The following KCNJ3 variants were observed in gnomAD, a reference collection of about 807,000 sequenced individuals.
KCNJ3 encodes G protein-activated inward rectifier potassium channel 1.
KCNJ3 carries 4 observed loss-of-function variants against 39.2 expected under a neutral mutation model. That is an observed-to-expected ratio of 0.10 (90% CI 0.05 to 0.23). The LOEUF (loss-of-function observed/expected upper bound fraction) is 0.23, where lower values mean the gene tolerates loss of function less well. Among genes scored for constraint, KCNJ3 ranks in the 10% least tolerant of loss-of-function variants. The pLI is 1.00. For synonymous variants in KCNJ3, 230 were observed against 237.4 expected (o/e 0.97, Z 0.29); for missense variants, 276 against 634.9 (o/e 0.43, Z 6.08).
At chr2:154,816,760 T>C (rs1018496031) in intron 2 of KCNJ3, among the ~76,000 whole-genome samples, 1 of 152,150 alleles carries the variant, frequency 6.6e-6, no homozygotes, top group Admixed American at 6.6e-5. Context: ...GAAAAACTGA[T>C]TTTCCTGAGG....
At chr2:154,710,337 G>C (rs1217773124) in intron 2 of KCNJ3, among the ~76,000 whole-genome samples, 1 of 152,100 alleles carries the variant, frequency 6.6e-6, no homozygotes, top group African/African-American at 2.4e-5. Flanking sequence ...AAGTGGGTCA[G>C]CGGATTTCCC....
At chr2:154,753,018 C>G (rs1005021194) in intron 2 of KCNJ3, among the ~76,000 whole-genome samples, 2 of 152,158 alleles carry the variant, frequency 1.3e-5, no homozygotes, top group Admixed American at 6.5e-5. Flanking sequence ...TGTTCTAAGA[C>G]AGCAATCCTA....
intron 2 of KCNJ3, among the ~76,000 whole-genome samples, chr2:154,790,288 G>A (rs936878816): frequency 6.6e-5 from 10 of 152,052 alleles, no homozygotes; most frequent in Admixed American, 6.6e-4. Flanking sequence ...TATAACTTTA[G>A]TAATCCGACG....
At chr2:154,764,209 T>A (rs1038345576) in intron 2 of KCNJ3, among the ~76,000 whole-genome samples, 2 of 152,230 alleles carry the variant, frequency 1.3e-5, no homozygotes, top group African/African-American at 4.8e-5. Context: ...AAAGTGTTTA[T>A]TTAAAAGGAG....
At chr2:154,815,254 C>G (rs1687064100) in intron 2 of KCNJ3, among the ~76,000 whole-genome samples, 1 of 151,910 alleles carries the variant, frequency 6.6e-6, no homozygotes, top group African/African-American at 2.4e-5. Context: ...TCAACTTTAA[C>G]TAAATCCTAA....
Position 154,773,354 on chromosome 2 carries a change from T to C in KCNJ3, c.919+63535T>C, listed in dbSNP as rs146788979. Among the ~76,000 whole-genome samples, 141 of 152,278 alleles carry C rather than the reference T, an allele frequency of 9.3e-4. 1 individual carries two copies. In the South Asian group the frequency reaches 0.011, roughly 11 times the overall value. On this transcript the variant is annotated intron_variant, in intron 2 of 2. Transcript: ENST00000295101. ...GTGTGTGTGATGGTTAAGGATGATA[T>C]ATATTCTTGGAGCATGGGCTGTTTT...
chr2:154,793,303 C>G (rs1407593378), intron 2 of KCNJ3, among the ~76,000 whole-genome samples: 1 of 151,876 alleles, frequency 6.6e-6, no homozygotes. Flanking sequence ...GGAAAATATT[C>G]ACTGATGACA....
chr2:154,715,921 C>G (rs1315760857), intron 2 of KCNJ3, among the ~76,000 whole-genome samples: 1 of 152,092 alleles, frequency 6.6e-6, no homozygotes, highest in Non-Finnish European at 1.5e-5. Flanking sequence ...GCCCTAGTTT[C>G]AATTTACTTA....
At chr2:154,832,206 G>C (rs570710654) in intron 2 of KCNJ3, among the ~76,000 whole-genome samples, 1 of 152,130 alleles carries the variant, frequency 6.6e-6, no homozygotes, top group African/African-American at 2.4e-5. Context: ...ATTTCAGGAA[G>C]ATATTTGAAG....
intron 2 of KCNJ3, among the ~76,000 whole-genome samples, chr2:154,800,984 G>A (rs180683729): frequency 1.8e-4 from 27 of 152,210 alleles, no homozygotes; most frequent in Admixed American, 9.2e-4. Context: ...CCCATGTGAC[G>A]TCGGGGAGAC....
intron 2 of KCNJ3, among the ~76,000 whole-genome samples, chr2:154,754,806 A>G (rs1256923079): frequency 6.6e-6 from 1 of 152,226 alleles, no homozygotes; most frequent in African/African-American, 2.4e-5. Flanking sequence ...TTAAGAATGC[A>G]TAAGATTGAT....
rs143996968 is a variant in KCNJ3 at position 154,798,837 on chromosome 2, T to C, written c.920-55890T>C. On this transcript the variant is annotated intron_variant, in intron 2 of 2. Transcript: ENST00000295101. ...CACACTGTTTTCATCCAGTTATCCA[T>C]TGATAGAAAATTAACATTGTTTCCA... Among the ~76,000 whole-genome samples, 1,027 of 152,252 alleles carry C rather than the reference T, an allele frequency of 6.7e-3. 54 individuals carry two copies. Among genetic ancestry groups the C allele is most frequent in the Admixed American group, 0.063 (970 of 15,278 alleles).
At chr2:154,759,400 C>A (rs2961964) in intron 2 of KCNJ3, among the ~76,000 whole-genome samples, 75,656 of 150,718 alleles carry the variant, frequency 0.5, 19,161 homozygotes, top group African/African-American at 0.53. Flanking sequence ...GGACCTTCAT[C>A]GTGGTATTAA....
intron 2 of KCNJ3, among the ~76,000 whole-genome samples, chr2:154,734,404 A>C (rs1477083348): frequency 1.3e-5 from 2 of 152,190 alleles, no homozygotes; most frequent in Non-Finnish European, 2.9e-5. Context: ...TCTGAGAAAG[A>C]AGTCATTAGA....
chr2:154,759,486 GA>G (rs1248625338), intron 2 of KCNJ3, among the ~76,000 whole-genome samples: 6 of 151,674 alleles, frequency 4.0e-5, no homozygotes, highest in Non-Finnish European at 8.8e-5. Context: ...ATAGCATCCA[GA>G]TGTAATAGTT....
intron 2 of KCNJ3, among the ~76,000 whole-genome samples, chr2:154,841,729 TTTATAGTA>T (rs1224411694): frequency 6.6e-6 from 1 of 152,198 alleles, no homozygotes; most frequent in Non-Finnish European, 1.5e-5. Flanking sequence ...CATAGAGGTG[TTTATAGTA>T]TTCTCTGATG....
At chr2:154,792,708 A>G (rs899881468) in intron 2 of KCNJ3, among the ~76,000 whole-genome samples, 2 of 152,098 alleles carry the variant, frequency 1.3e-5, no homozygotes, top group African/African-American at 2.4e-5. Context: ...AGAGAGATCT[A>G]TGGCCTCACA....
chr2:154,790,623 T>C (rs1195212258), intron 2 of KCNJ3, among the ~76,000 whole-genome samples: 1 of 152,112 alleles, frequency 6.6e-6, no homozygotes, highest in African/African-American at 2.4e-5. Context: ...CCACAAAATA[T>C]CAAACAGGTT....
intron 2 of KCNJ3, among the ~76,000 whole-genome samples, chr2:154,782,937 G>A (rs921714900): frequency 4.6e-5 from 7 of 152,120 alleles, no homozygotes; most frequent in African/African-American, 1.7e-4. Context: ...AGTACTTTGG[G>A]AGGCCAAGGC....
Sources: gnomAD v4.1 joint callset for allele counts (sites outside exome capture counted in the v4.1 genomes callset) on GRCh38, gnomAD v4.1.1 for gene constraint, MANE v1.5 for transcripts, NCBI Gene and HGNC (gene_info 2026-07-23, HGNC 2026-07-21) for gene names.